The following DOCK3 variants were observed in gnomAD, a reference collection of about 807,000 sequenced individuals.
DOCK3 encodes the protein dedicator of cytokinesis protein 3.
A neutral mutation model predicts 265.6 loss-of-function variants in DOCK3; 60 were observed. The ratio of observed to expected loss-of-function variants is 0.23; its 90% CI spans 0.18 to 0.28. The LOEUF (loss-of-function observed/expected upper bound fraction) is 0.28, where lower values mean the gene tolerates loss of function less well. Ranked by LOEUF, DOCK3 falls within the 10% of genes least tolerant of loss-of-function variation. DOCK3 has a pLI of 1.00. For missense variants in DOCK3, 1,981 were observed against 2,594.3 expected (o/e 0.76, Z 5.14); for synonymous variants, 881 against 938.0 (o/e 0.94, Z 1.11).
chr3:51,271,944 T>C (rs1274471936), intron 24 of DOCK3, among the ~76,000 whole-genome samples: 1 of 152,032 alleles, frequency 6.6e-6, no homozygotes, highest in East Asian at 1.9e-4. Flanking sequence ...TTTCCAGTCT[T>C]TGGAGAACCA....
chr3:50,970,920 TATATATATATATATATATATATATATA>T lies in DOCK3; in HGVS notation c.315+36846_315+36872del, dbSNP rs1443808051. Among the ~76,000 whole-genome samples, 56 of 72,208 alleles carry T rather than the reference TATATATATATATATATATATATATATA, an allele frequency of 7.8e-4. 1 individual carries two copies. The highest frequency in any genetic ancestry group is 2.7e-3 in the African/African-American group (51 of 18,992). The allele number at this position is 72,208 out of a possible 152,430, so 47.4% of individuals were successfully genotyped here. A position where few individuals can be genotyped will look rare whatever the true frequency, so the allele number is the denominator to read the frequency against. On this transcript the variant is annotated intron_variant, in intron 5 of 52. Transcript: ENST00000266037. ...ATATATATATATATATATATATATATATATATATATATATATATATATATATAATGTGTGTGTGTGTGTGTGTATATA... is the reference window on the plus strand; with the variant it reads ...ATATATATATATATATATATATATATATGTGTGTGTGTGTGTGTGTATATA...
intron 35 of DOCK3, among the ~76,000 whole-genome samples, chr3:51,337,092 G>T (rs545338627): frequency 2.0e-5 from 3 of 152,288 alleles, no homozygotes; most frequent in African/African-American, 7.2e-5. Context: ...GGCTACATAG[G>T]AACCAAATAT....
chr3:50,984,073 A>T (rs571578832), intron 5 of DOCK3, among the ~76,000 whole-genome samples: 1 of 151,752 alleles, frequency 6.6e-6, no homozygotes, highest in East Asian at 1.9e-4. Context: ...CAGACCCCAC[A>T]CTTGCTCACA....
At chr3:50,685,719 C>T (rs2034749521) in intron 1 of DOCK3, 1 of 226,840 alleles carries the variant, frequency 4.4e-6, no homozygotes. Context: ...GTGGTTAGAG[C>T]ATGGAAGTTT....
intron 2 of DOCK3, among the ~76,000 whole-genome samples, chr3:50,793,341 ATTTTCT>A (rs1186043141): frequency 2.9e-5 from 4 of 136,224 alleles, no homozygotes; most frequent in African/African-American, 5.4e-5. Flanking sequence ...TGTTTTATTA[ATTTTCT>A]TTTTCTTTTT....
intron 2 of DOCK3, among the ~76,000 whole-genome samples, chr3:50,832,482 C>T (rs1034591507): frequency 2.0e-5 from 3 of 152,282 alleles, no homozygotes; most frequent in South Asian, 2.1e-4. Context: ...GGTCTAATAT[C>T]CAGAATCTAC....
intron 5 of DOCK3, among the ~76,000 whole-genome samples, chr3:51,012,036 T>TG: frequency 6.6e-6 from 1 of 152,222 alleles, no homozygotes; most frequent in South Asian, 2.1e-4. Flanking sequence ...CTGCCCCTAC[T>TG]GGGGGGTCCC....
rs149216182 is a variant in DOCK3 at position 50,952,256 on chromosome 3, G to A, written c.315+18179G>A. ...CCTAATTCCTGGGAAATGTTTTTAC[G>A]TAACAGGACCTGAAAGTGATTGTTT... is the stretch of plus-strand genomic sequence containing the variant. On this transcript the variant is annotated intron_variant, in intron 5 of 52. Transcript: ENST00000266037. Among the ~76,000 whole-genome samples, 927 of 152,204 alleles carry A rather than the reference G, an allele frequency of 6.1e-3. 30 individuals are homozygous for A. The highest frequency in any genetic ancestry group is 0.044 in the Admixed American group (670 of 15,288).
intron 11 of DOCK3, among the ~76,000 whole-genome samples, chr3:51,159,869 C>T (rs2086046340): frequency 6.6e-6 from 1 of 152,178 alleles, no homozygotes; most frequent in Non-Finnish European, 1.5e-5. Context: ...ACTTTTGGGG[C>T]TATGGTGAAC....
chr3:50,885,730 A>C (rs1369888996), intron 3 of DOCK3, among the ~76,000 whole-genome samples: 1 of 152,016 alleles, frequency 6.6e-6, no homozygotes, highest in Non-Finnish European at 1.5e-5. Context: ...TACCTACTGG[A>C]GTAGAAGGTT....
rs2108067868 is a variant in DOCK3, at chr3:50,924,291, T to TTCAGAATAA, written c.219-9688_219-9680dup. Among the ~76,000 whole-genome samples the TTCAGAATAA allele has an allele frequency of 2.6e-5, 4 of 152,326 alleles. No homozygotes were observed. The South Asian group carries it at 8.3e-4, about 32-fold the overall frequency. ...AACATAACTTTATATTAGTTACTGGTTCAGAATAATTGTCGCAATTTGTGG... is the reference window on the plus strand; with the variant it reads ...AACATAACTTTATATTAGTTACTGGTTCAGAATAATCAGAATAATTGTCGCAATTTGTGG... On this transcript the variant is annotated intron_variant, in intron 4 of 52. Transcript: ENST00000266037.
At chr3:50,874,017 CCT>C (rs989035107) in intron 3 of DOCK3, among the ~76,000 whole-genome samples, 2 of 148,476 alleles carry the variant, frequency 1.3e-5, no homozygotes, top group Admixed American at 1.3e-4. Flanking sequence ...TAAGTACTTG[CCT>C]GAGTTTTGGT....
At chr3:50,744,311 C>T (rs976006153) in intron 1 of DOCK3, among the ~76,000 whole-genome samples, 6 of 152,070 alleles carry the variant, frequency 3.9e-5, no homozygotes, top group African/African-American at 1.4e-4. Context: ...TTTGTTTGTG[C>T]TTTTGGTGTC....
chr3:50,991,111 A>G (rs1292769877), intron 5 of DOCK3, among the ~76,000 whole-genome samples: 1 of 152,210 alleles, frequency 6.6e-6, no homozygotes, highest in Non-Finnish European at 1.5e-5. Flanking sequence ...TGAAAGGAGC[A>G]CTAAATGTAG....
At chr3:50,703,811 C>A (rs1386683822) in intron 1 of DOCK3, among the ~76,000 whole-genome samples, 1 of 145,936 alleles carries the variant, frequency 6.9e-6, no homozygotes, top group Non-Finnish European at 1.5e-5. Flanking sequence ...TAGTCCTGCT[C>A]TGATATTTAT....
intron 1 of DOCK3, among the ~76,000 whole-genome samples, chr3:50,708,543 C>A (rs1189254351): frequency 6.6e-6 from 1 of 152,148 alleles, no homozygotes; most frequent in African/African-American, 2.4e-5. Context: ...TTCAAAATGG[C>A]ACTATGCTGT....
At chr3:51,072,535 A>G (rs1474490267) in intron 6 of DOCK3, among the ~76,000 whole-genome samples, 5 of 151,962 alleles carry the variant, frequency 3.3e-5, no homozygotes, top group African/African-American at 1.2e-4. Flanking sequence ...CAGCCTCCCA[A>G]GTAGCAGGGA....
At chr3:51,139,783 AT>A (rs992030529) in intron 9 of DOCK3, among the ~76,000 whole-genome samples, 4 of 152,380 alleles carry the variant, frequency 2.6e-5, no homozygotes, top group African/African-American at 9.6e-5. Flanking sequence ...GGAAACTGGC[AT>A]TTAGGCTAAG....
chr3:51,194,259 T>A (rs1341140839), intron 12 of DOCK3, among the ~76,000 whole-genome samples: 1 of 152,188 alleles, frequency 6.6e-6, no homozygotes, highest in African/African-American at 2.4e-5. Context: ...CATTGTGGTT[T>A]GAGAAGATAC....
Sources: gnomAD v4.1 joint callset for allele counts (sites outside exome capture counted in the v4.1 genomes callset) on GRCh38, gnomAD v4.1.1 for gene constraint, MANE v1.5 for transcripts, NCBI Gene and HGNC (gene_info 2026-07-23, HGNC 2026-07-21) for gene names.